INPP1: variants seen among roughly 807,000 people sequenced by gnomAD.
The protein encoded by INPP1 is inositol polyphosphate 1-phosphatase.
INPP1 carries 18 observed loss-of-function variants against 23.0 expected under a neutral mutation model. The ratio of observed to expected loss-of-function variants is 0.78; its 90% confidence interval spans 0.54 to 1.16. The LOEUF is 1.16. Ranked by LOEUF, INPP1 falls within the 50% of genes most tolerant of loss-of-function variation. The pLI is 0.00. For missense variants in INPP1, 448 were observed against 482.1 expected (o/e 0.93, Z 0.66); for synonymous variants, 164 against 176.3 (o/e 0.93, Z 0.55).
chr2:190,369,592 G>C (rs1464488627), intron 6 of INPP1, among the ~76,000 whole-genome samples: 1 of 152,204 alleles, frequency 6.6e-6, no homozygotes, highest in African/African-American at 2.4e-5. Flanking sequence ...TAGAGTGGTG[G>C]TAACACTGCC....
rs1346716704 is a variant in INPP1 at position 190,363,514 on chromosome 2, T to C, written c.265+827T>C. ...AGAAACAATTTTTTTTTTTAGTTTG[T>C]TTGGATTTAATAGTAGAAGAATAAA... On this transcript the variant is annotated intron_variant, in intron 4 of 6. Coordinates refer to ENST00000392329, the MANE Select transcript of INPP1 (RefSeq NM_001128928.2). This position sits in a 1 kb window ranked among gnomAD's most constrained non-coding sequence, Gnocchi z 4.4. Among the ~76,000 whole-genome samples the C allele has an allele frequency of 6.6e-6, 1 of 152,190 alleles. No homozygotes were observed. Among genetic ancestry groups the C allele is most frequent in the Non-Finnish European group, 1.5e-5 (1 of 68,040 alleles).
Position 190,369,225 on chromosome 2 carries a change from CT to C in INPP1, c.590del (p.Leu197ArgfsTer67), listed in dbSNP as rs1326012485. 2 of 1,602,736 alleles carry C rather than the reference CT, an allele frequency of 1.2e-6. No homozygotes were observed. Among genetic ancestry groups the C allele is most frequent in the African/African-American group, 2.7e-5 (2 of 74,798 alleles). The stretch of plus-strand genomic sequence containing the variant: ...CTATGACATACAGACAGGGGTTCCC[CT>C]GATGGGAGTCATCAATCAACCTTTT... The part of the protein sequence containing the change: ...GVYDIQTGVP[L>X]MGVINQPFVS... On this transcript the variant is annotated frameshift_variant, in exon 6 of 7. Transcript: ENST00000392329. LOFTEE classifies it high-confidence loss of function.
rs1361278804 is a variant in INPP1, at chr2:190,348,868, TA to T, written c.-208-19del. 2.6e-5 allele frequency: 4 copies of T among 152,346 alleles called. No homozygotes were observed. The highest frequency in any genetic ancestry group is 9.6e-5 in the African/African-American group (4 of 41,576). The allele number at this position is 152,346 out of a possible 1,614,324, so 9.4% of individuals were successfully genotyped here. A position where few individuals can be genotyped will look rare whatever the true frequency, so the allele number is the denominator to read the frequency against. The stretch of plus-strand genomic sequence containing the variant: ...TGCTTTTCTTTTCCTTTTTTATGTT[TA>T]CAAAATGGGGAAAACAAGTCCTTCA... On this transcript the variant is annotated intron_variant, in intron 1 of 6. Transcript: ENST00000392329.
chr2:190,347,529 C>CT (rs1282085507), intron 1 of INPP1, among the ~76,000 whole-genome samples: 7 of 151,460 alleles, frequency 4.6e-5, no homozygotes, highest in Non-Finnish European at 7.4e-5. Context: ...TTTCTTTCTC[C>CT]TTTTTTGGGG....
In INPP1 at chr2:190,360,293, A is replaced by AT. The variant is rs1393842500; in HGVS notation, c.192dup (p.Met65TyrfsTer19). ...CTGGTACAGGAAGTTATAAAACAGA[A>AT]TATGGAGAACAAGGTAAGAAAGGTC... is the stretch of plus-strand genomic sequence containing the variant. On this transcript the variant is annotated frameshift_variant, in exon 3 of 7. Coordinates refer to ENST00000392329, the MANE Select transcript of INPP1 (RefSeq NM_001128928.2). LOFTEE classifies it high-confidence loss of function. The AT allele has an allele frequency of 1.2e-6, 2 of 1,614,118 alleles. No homozygotes were observed. Among genetic ancestry groups the AT allele is most frequent in the Non-Finnish European group, 1.7e-6 (2 of 1,179,968 alleles).
intron 4 of INPP1, chr2:190,365,005 A>T (rs970930811): frequency 3.1e-5 from 5 of 162,566 alleles, no homozygotes; most frequent in Non-Finnish European, 5.9e-5. Context: ...CTAGATAGCT[A>T]GGAGTATCTA....
intron 4 of INPP1, among the ~76,000 whole-genome samples, chr2:190,365,845 C>T (rs1021049006): frequency 3.5e-5 from 4 of 115,596 alleles, no homozygotes; most frequent in South Asian, 5.3e-4. Flanking sequence ...CTCATTCTCT[C>T]GCTGTCTCTC....
chr2:190,369,220 T>A lies in INPP1; in HGVS notation c.584T>A (p.Val195Asp). The change falls in exon 6 of 7, where the codon GTT becomes GAT. Residue 195 changes from valine to aspartate, a missense_variant. By Grantham distance (152) the Val-to-Asp change is radical (BLOSUM62 -3). Transcript: ENST00000392329. ...GGTGTCTATGACATACAGACAGGGG[T>A]TCCCCTGATGGGAGTCATCAATCAA... ...LIGVYDIQTGVPLMGVINQPF... is the reference protein window; with the variant it reads ...LIGVYDIQTGDPLMGVINQPF... The A allele has an allele frequency of 6.2e-7, 1 of 1,604,772 alleles. No homozygotes were observed. Among genetic ancestry groups the A allele is most frequent in the Non-Finnish European group, 8.5e-7 (1 of 1,172,506 alleles).
chr2:190,344,009 G>A, intron 1 of INPP1, 48 bp downstream of exon 1: 3 of 330,212 alleles, frequency 9.1e-6, no homozygotes, highest in Non-Finnish European at 1.3e-5. Flanking sequence ...TCCCCGCGCC[G>A]CTGCCCCTCC....
chr2:190,360,927 C>A (rs1207293109), intron 3 of INPP1, among the ~76,000 whole-genome samples: 1 of 152,052 alleles, frequency 6.6e-6, no homozygotes, highest in Non-Finnish European at 1.5e-5. Context: ...TATAAACACA[C>A]AAAGATGTTT....
chr2:190,369,171 C>G lies in INPP1; in HGVS notation c.535C>G (p.Leu179Val). 6.2e-7 allele frequency: 1 copy of G among 1,609,366 alleles called. No individual in the cohort carries two copies. The highest frequency in any genetic ancestry group is 1.3e-5 in the African/African-American group (1 of 74,980). ...CAACCAGGGAATCTTCCCCTGTGGA[C>G]TTCAGTGTGTCACCATTTTAATTGG... The part of the protein sequence containing the change: ...KSNQGIFPCG[L>V]QCVTILIGVY... Residue 179 changes from leucine to valine, a missense_variant, in exon 6 of 7, where the codon CTT (leucine) becomes GTT (valine). By Grantham distance (32) the Leu-to-Val change is conservative. Transcript: ENST00000392329.
Position 190,355,301 on chromosome 2 carries a change from G to A in INPP1, c.-64-4738G>A, listed in dbSNP as rs374856645. Among the ~76,000 whole-genome samples, 3 of 152,300 alleles carry A rather than the reference G, an allele frequency of 2.0e-5. No homozygotes were observed. The highest frequency in any genetic ancestry group is 3.9e-4 in the East Asian group (2 of 5,192). On this transcript the variant is annotated intron_variant, in intron 2 of 6. Transcript: ENST00000392329. The surrounding 1 kb of genome is among the most constrained non-coding windows in gnomAD (Gnocchi z 5.1). ...GGCATATAGTAAGCACCTAGTAAAT[G>A]TTAGCTGTTTCAATTTTAACCTATC...
At position 190,360,201 on chromosome 2, in the gene INPP1, C is replaced by T. The variant is rs2067404; in HGVS notation, c.99C>T (p.Ile33=). 5,244 of 1,613,938 alleles carry T rather than the reference C, an allele frequency of 3.2e-3. 125 individuals are homozygous for T. The Admixed American group carries it at 0.05, about 15-fold the overall frequency. Residue 33 remains isoleucine (I), a synonymous_variant, in exon 3 of 7, where the codon ATC becomes ATT. Coordinates refer to ENST00000392329, the MANE Select transcript of INPP1 (RefSeq NM_001128928.2). ...RQQEALFQLL[I]EEKKEGEKNK... is the part of the protein sequence containing the mutation. ...AGGAAGCCCTCTTCCAGCTGCTGATCGAAGAAAAGAAAGAGGGAGAAAAGA... is the reference window on the plus strand; with the variant it reads ...AGGAAGCCCTCTTCCAGCTGCTGATTGAAGAAAAGAAAGAGGGAGAAAAGA...
rs1025636209 is a variant in INPP1 at position 190,348,966 on chromosome 2, T to G, written c.-130T>G. Reference sequence around the variant, plus strand: ...GAGCCTAAGAACCAGCTCTCCTGTATCCCAAGCAAGGCTCTTTCTACCGCA... The same window carrying G: ...GAGCCTAAGAACCAGCTCTCCTGTAGCCCAAGCAAGGCTCTTTCTACCGCA... On this transcript the variant is annotated 5_prime_UTR_variant, in exon 2 of 7. Coordinates refer to ENST00000392329, the MANE Select transcript of INPP1 (RefSeq NM_001128928.2). 2.6e-5 allele frequency: 4 copies of G among 152,238 alleles called. No homozygotes were observed. The highest frequency in any genetic ancestry group is 1.3e-4 in the Admixed American group (2 of 15,278). The allele number at this position is 152,238 out of a possible 1,614,324, so 9.4% of individuals were successfully genotyped here.
At chr2:190,361,132 G>T (rs935037180) in intron 3 of INPP1, among the ~76,000 whole-genome samples, 3 of 120,920 alleles carry the variant, frequency 2.5e-5, no homozygotes, top group African/African-American at 1.3e-4. Flanking sequence ...AATGCAATGG[G>T]TGAAAAAAGG....
At position 190,363,585 on chromosome 2, in the gene INPP1, T is replaced by A. The variant is rs898675175; in HGVS notation, c.265+898T>A. Among the ~76,000 whole-genome samples, 3 of 152,122 alleles carry A rather than the reference T, an allele frequency of 2.0e-5. No homozygotes were observed. The highest frequency in any genetic ancestry group is 6.6e-5 in the Admixed American group (1 of 15,254). On this transcript the variant is annotated intron_variant, in intron 4 of 6. Transcript: ENST00000392329. This position sits in a 1 kb window ranked among gnomAD's most constrained non-coding sequence, Gnocchi z 4.4. ...ATCATGTGACAAATACTTATATATC[T>A]AGAAACACAATTACAAAGAAAAAAT...
chr2:190,370,197 T>C (rs1349616569), intron 6 of INPP1, among the ~76,000 whole-genome samples: 2 of 152,230 alleles, frequency 1.3e-5, no homozygotes, highest in Admixed American at 6.5e-5. Context: ...CTTTGTGGGT[T>C]TGAATGCAGA....
intron 3 of INPP1, 80 bp downstream of exon 3, chr2:190,360,386 C>T: frequency 8.4e-7 from 1 of 1,186,832 alleles, no homozygotes; most frequent in Admixed American, 1.9e-5. Flanking sequence ...ATGCCTTTTG[C>T]TCCTCACCCC....
At chr2:190,360,429 A>T (rs1689514019) in intron 3 of INPP1, 123 bp downstream of exon 3, 1 of 721,428 alleles carries the variant, frequency 1.4e-6, no homozygotes, top group South Asian at 1.9e-5. Flanking sequence ...TTTCAAGTAA[A>T]CATCTTGGAT....
Sources: allele counts gnomAD v4.1 joint callset (sites outside exome capture counted in the v4.1 genomes callset), GRCh38; gene constraint gnomAD v4.1.1; non-coding constraint Gnocchi (gnomAD v3.1); transcripts MANE v1.5; gene names NCBI Gene and HGNC (gene_info 2026-07-23, HGNC 2026-07-21).